The following TOPBP1 variants were observed in gnomAD, a reference collection of about 807,000 sequenced individuals.
The protein encoded by TOPBP1 is DNA topoisomerase 2-binding protein 1.
A neutral mutation model predicts 167.7 loss-of-function variants in TOPBP1; 28 were observed. The ratio of observed to expected loss-of-function variants is 0.17; its 90% CI spans 0.12 to 0.23. The LOEUF (loss-of-function observed/expected upper bound fraction) is 0.23, where lower values mean the gene tolerates loss of function less well. Among genes scored for constraint, TOPBP1 ranks in the 10% least tolerant of loss-of-function variants. The pLI is 1.00. For missense variants in TOPBP1, 1,554 were observed against 1,809.6 expected (o/e 0.86, Z 2.56); for synonymous variants, 598 against 611.4 (o/e 0.98, Z 0.32).
At chr3:133,607,618 G>T (rs896096248) in intron 27 of TOPBP1, among the ~76,000 whole-genome samples, 2 of 152,072 alleles carry the variant, frequency 1.3e-5, no homozygotes, top group Non-Finnish European at 2.9e-5. Context: ...ATGCTCAAGG[G>T]AAGTGCTTAT....
rs998239442 is a variant in TOPBP1 at position 133,601,025 on chromosome 3, A to T, written c.*225T>A. Reference sequence around the variant, plus strand: ...TGGTTTAACAGCAAGCTAGCTGAGGAGTTGTATTTTGTTGTTATTTCAGGT... The same window carrying T: ...TGGTTTAACAGCAAGCTAGCTGAGGTGTTGTATTTTGTTGTTATTTCAGGT... On this transcript the variant is annotated 3_prime_UTR_variant, in exon 28 of 28. Coordinates refer to ENST00000260810, the MANE Select transcript of TOPBP1 (RefSeq NM_007027.4). 3.0e-6 allele frequency: 1 copy of T among 334,934 alleles called. No individual in the cohort carries two copies. The highest frequency in any genetic ancestry group is 2.2e-5 in the African/African-American group (1 of 45,630). The allele number at this position is 334,934 out of a possible 1,614,324, so 20.7% of individuals were successfully genotyped here.
chr3:133,620,067 C>T, intron 20 of TOPBP1, 88 bp downstream of exon 20: 1 of 1,383,988 alleles, frequency 7.2e-7, no homozygotes, highest in Non-Finnish European at 9.6e-7. Context: ...TAAATTAGGC[C>T]AAGCTCATGG....
intron 22 of TOPBP1, 54 bp from the exon 23 acceptor site, chr3:133,616,979 A>G (rs1296601908): frequency 5.4e-6 from 7 of 1,295,174 alleles, no homozygotes; most frequent in South Asian, 1.6e-5. Flanking sequence ...GATCAGATAC[A>G]CAGTTCTTTT....
At position 133,628,650 on chromosome 3, in the gene TOPBP1, G is replaced by T; in HGVS notation, c.2604C>A (p.Val868=). ...KPSTPLSEVI[V]KNLQLALANS... ...TTGCCAAAGCAAGTTGCAAGTTTTT[G>T]ACAATAACTTCTGAGAGTGGCGTAC... Residue 868 remains valine (V), a synonymous_variant, in exon 15 of 28, where the codon GTC becomes GTA. Transcript: ENST00000260810. 1 of 1,592,940 alleles carries T rather than the reference G, an allele frequency of 6.3e-7. No individual in the cohort carries two copies. Among genetic ancestry groups the T allele is most frequent in the Non-Finnish European group, 8.6e-7 (1 of 1,168,952 alleles).
intron 16 of TOPBP1, among the ~76,000 whole-genome samples, chr3:133,624,487 T>G (rs1306300123): frequency 1.3e-5 from 2 of 152,134 alleles, no homozygotes; most frequent in Admixed American, 1.3e-4. Context: ...AAAAAAACAG[T>G]TAAAAAAATG....
At chr3:133,601,442 C>T (rs778902676) in intron 27 of TOPBP1, 49 bp from the exon 28 acceptor site, 19 of 1,328,430 alleles carry the variant, frequency 1.4e-5, no homozygotes, top group African/African-American at 4.6e-5. Context: ...CAAACATTTA[C>T]GTGATCTGGT....
chr3:133,649,695 C>A, intron 9 of TOPBP1, 62 bp from the exon 10 acceptor site: 1 of 1,595,108 alleles, frequency 6.3e-7, no homozygotes, highest in South Asian at 1.1e-5. Flanking sequence ...TCCCACTTGT[C>A]ATGCAGTTTC....
intron 23 of TOPBP1, among the ~76,000 whole-genome samples, chr3:133,615,458 C>G (rs1934837579): frequency 1.3e-5 from 2 of 152,160 alleles, no homozygotes; most frequent in African/African-American, 2.4e-5. Flanking sequence ...GCCTGGGAGA[C>G]AGAGCAAGAC....
intron 16 of TOPBP1, 69 bp from the exon 17 acceptor site, chr3:133,624,244 T>C (rs1408937251): frequency 8.4e-6 from 13 of 1,549,046 alleles, no homozygotes; most frequent in South Asian, 8.0e-5. Flanking sequence ...ATGATTCTTA[T>C]TTACTGTGAA....
chr3:133,650,415 A>G (rs998375134), intron 8 of TOPBP1, among the ~76,000 whole-genome samples: 1 of 151,834 alleles, frequency 6.6e-6, no homozygotes, highest in African/African-American at 2.4e-5. Context: ...ATTAACGACA[A>G]TAGGCAAGTT....
Position 133,643,294 on chromosome 3 carries a change from T to C in TOPBP1, c.1927A>G (p.Met643Val), listed in dbSNP as rs1185844966. 2.5e-6 allele frequency: 4 copies of C among 1,613,212 alleles called. No individual in the cohort carries two copies. The highest frequency in any genetic ancestry group is 3.4e-6 in the Non-Finnish European group (4 of 1,179,534). ...ATAACACAATCCTCTAAAGGAGTCATTCCTGTCATTACTGGAACTGGTGTG... is the reference window on the plus strand; with the variant it reads ...ATAACACAATCCTCTAAAGGAGTCACTCCTGTCATTACTGGAACTGGTGTG... ...LFTPVPVMTG[M>V]TPLEDCVISF... Residue 643 changes from methionine to valine, a missense_variant, in exon 12 of 28, where the codon ATG becomes GTG. By Grantham distance (21) the Met-to-Val change is conservative. Coordinates refer to ENST00000260810, the MANE Select transcript of TOPBP1 (RefSeq NM_007027.4).
At chr3:133,604,128 A>G (rs1934410337) in intron 27 of TOPBP1, among the ~76,000 whole-genome samples, 1 of 150,912 alleles carries the variant, frequency 6.6e-6, no homozygotes, top group Non-Finnish European at 1.5e-5. Context: ...AAACTTATTT[A>G]TTTATTTATT....
At chr3:133,617,414 G>C in intron 21 of TOPBP1, 88 bp from the exon 22 acceptor site, 2 of 1,368,154 alleles carry the variant, frequency 1.5e-6, no homozygotes, top group Non-Finnish European at 9.5e-7. Flanking sequence ...TCTTAGTCAA[G>C]ATGAAGTCAA....
rs200763231 is a variant in TOPBP1 at position 133,601,385 on chromosome 3, A to T, written c.4434T>A (p.Pro1478=). 2 of 1,526,974 alleles carry T rather than the reference A, an allele frequency of 1.3e-6. No individual in the cohort carries two copies. The highest frequency in any genetic ancestry group is 1.8e-6 in the Non-Finnish European group (2 of 1,136,202). 94.6% of individuals were successfully genotyped at this position (1,526,974 alleles called of 1,614,324 possible). Residue 1478 remains proline (P), a synonymous_variant, in exon 28 of 28, where the codon CCT becomes CCA. Transcript: ENST00000260810. ...YIADYLMQES[P]PHVENYCLPE... is the part of the protein sequence containing the mutation. ...GTAGACAGTAATTTTCTACATGAGG[A>T]GGTGATTCCTATAAAAGGAAAAATA...
rs369207870 is a variant in TOPBP1, at chr3:133,657,882, A to T, written c.279T>A (p.Cys93Ter). 6.2e-7 allele frequency: 1 copy of T among 1,601,482 alleles called. No homozygotes were observed. The highest frequency in any genetic ancestry group is 8.5e-7 in the Non-Finnish European group (1 of 1,175,220). ...VVIFCMHHQR[C>*]VPRAEHPVYN... ...AAACTGGATGTTCGGCTCTTGGGAC[A>T]CATCGCTGGTGGTGCATACAAAATA... The change falls in exon 4 of 28, where the codon TGT becomes TGA. Residue 93 changes from cysteine to a stop codon, truncating the protein, a stop_gained. Transcript: ENST00000260810. LOFTEE classifies it high-confidence loss of function.
At chr3:133,651,263 T>G (rs998499193) in intron 8 of TOPBP1, among the ~76,000 whole-genome samples, 1 of 148,370 alleles carries the variant, frequency 6.7e-6, no homozygotes, top group Admixed American at 6.8e-5. Context: ...CTCGGCTCAC[T>G]GTAACCTCCG....
intron 2 of TOPBP1, among the ~76,000 whole-genome samples, chr3:133,659,994 C>T (rs905511203): frequency 1.3e-5 from 2 of 152,136 alleles, no homozygotes; most frequent in South Asian, 2.1e-4. Context: ...CAAGGCCCTA[C>T]ATGACCTCTT....
At chr3:133,659,979 G>A (rs1018379428) in intron 2 of TOPBP1, among the ~76,000 whole-genome samples, 1 of 151,626 alleles carries the variant, frequency 6.6e-6, no homozygotes, top group African/African-American at 2.4e-5. Context: ...GAGAAAAATG[G>A]CCCACAAGGC....
chr3:133,655,460 T>G lies in TOPBP1; in HGVS notation c.572A>C (p.Asn191Thr). Reference protein sequence around the residue: ...EKKITRYTDINMEDFKCPIFL... With the variant: ...EKKITRYTDITMEDFKCPIFL... ...AATAGGACACTTGAAATCTTCCATG[T>G]TTATATCAGTATATCTAGTTATTTT... The change falls in exon 6 of 28, where the codon AAC becomes ACC. Residue 191 changes from asparagine to threonine, a missense_variant. Physicochemically the swap from Asn to Thr is moderately conservative, Grantham distance 65. This residue lies in a region of TOPBP1 where 1,197 missense variants were observed against 1,351.5 expected (regional missense o/e 0.89). Transcript: ENST00000260810. 1 of 1,557,266 alleles carries G rather than the reference T, an allele frequency of 6.4e-7. No individual in the cohort carries two copies. Among genetic ancestry groups the G allele is most frequent in the Non-Finnish European group, 8.7e-7 (1 of 1,151,358 alleles).
Sources: allele counts gnomAD v4.1 joint callset (sites outside exome capture counted in the v4.1 genomes callset), GRCh38; gene constraint gnomAD v4.1.1; regional missense constraint gnomAD v4.1.1; transcripts MANE v1.5; gene names NCBI Gene and HGNC (gene_info 2026-07-23, HGNC 2026-07-21).